Variants in NCAM1 observed in about 807,000 individuals in gnomAD.
The protein encoded by NCAM1 is neural cell adhesion molecule 1.
A neutral mutation model predicts 109.8 loss-of-function variants in NCAM1; 14 were observed. The observed-to-expected ratio is 0.13, with a 90% CI of 0.08 to 0.20. The LOEUF (loss-of-function observed/expected upper bound fraction) is 0.20. NCAM1 is among the 10% of genes least tolerant of loss of function. The probability of loss-of-function intolerance (pLI) is 1.00; values close to 1 mark genes in which losing one functional copy is unlikely to be tolerated. For missense variants in NCAM1, 774 were observed against 1,109.9 expected (o/e 0.70, Z 4.30); for synonymous variants, 418 against 442.9 (o/e 0.94, Z 0.70).
intron 9 of NCAM1, among the ~76,000 whole-genome samples, chr11:113,222,863 G>A (rs544545901): frequency 3.3e-5 from 5 of 152,258 alleles, no homozygotes; most frequent in Middle Eastern, 3.4e-3. Context: ...TACTTTGGAC[G>A]TAATTGACTT....
chr11:113,040,159 AAAAT>A (rs35828046), intron 1 of NCAM1, among the ~76,000 whole-genome samples: 1 of 151,170 alleles, frequency 6.6e-6, no homozygotes, highest in South Asian at 2.1e-4. Context: ...TAATAATTTT[AAAAT>A]AAATAAATAA....
rs563476646 is a variant in NCAM1, at chr11:113,071,038, G to A, written c.52+109374G>A. On this transcript the variant is annotated intron_variant, in intron 1 of 19. Transcript: ENST00000316851. ...ATCCTATTCTGGGAATAGGCTGTGT[G>A]TGGTAGAGAGATGAGGGCTGAAGAA... 6.0e-4 allele frequency among the ~76,000 whole-genome samples: 91 copies of A among 152,276 alleles called. 1 individual carries two copies. The highest frequency in any genetic ancestry group is 2.7e-3 in the Admixed American group (42 of 15,298).
chr11:113,188,836 T>A (rs1017564094), intron 1 of NCAM1, among the ~76,000 whole-genome samples: 1 of 151,100 alleles, frequency 6.6e-6, no homozygotes, highest in Non-Finnish European at 1.5e-5. Flanking sequence ...TGAGTGTGAG[T>A]GTGTGTGTGT....
At chr11:113,269,996 T>C in intron 17 of NCAM1, 192 bp from the exon 18 acceptor site, 1 of 609,754 alleles carries the variant, frequency 1.6e-6, no homozygotes, top group African/African-American at 1.8e-5. Flanking sequence ...CATCCCTCCC[T>C]CTGGAAGGTA....
At position 113,232,084 on chromosome 11, in the gene NCAM1, C is replaced by T. The variant is rs1945027541; in HGVS notation, c.1241-86C>T. 4.5e-6 allele frequency: 6 copies of T among 1,333,394 alleles called. No individual in the cohort carries two copies. The East Asian group carries it at 7.4e-5, about 17-fold the overall frequency. The allele number at this position is 1,333,394 out of a possible 1,614,324, so 82.6% of individuals were successfully genotyped here. A position where few individuals can be genotyped will look rare whatever the true frequency, so the allele number is the denominator to read the frequency against. ...CAGGCGCTGGCTCTGCTTTGGAGCA[C>T]ACCTGCCTTCCCAGTGCCAGGAGAC... On this transcript the variant is annotated intron_variant, in intron 10 of 19. Coordinates refer to ENST00000316851, the MANE Select transcript of NCAM1 (RefSeq NM_181351.5).
At position 113,124,857 on chromosome 11, in the gene NCAM1, C is replaced by A. The variant is rs150705745; in HGVS notation, c.53-77522C>A. Among the ~76,000 whole-genome samples the A allele has an allele frequency of 9.7e-3, 1,476 of 152,298 alleles. 32 individuals carry two copies. The highest frequency in any genetic ancestry group is 0.034 in the African/African-American group (1,417 of 41,548). ...TTGAATCGACACTTCTGCTAAATTT[C>A]TCAGCAGTACATTGAATGTATATTT... On this transcript the variant is annotated intron_variant, in intron 1 of 19. Transcript: ENST00000316851.
At chr11:113,195,678 T>C (rs11214540) in intron 1 of NCAM1, among the ~76,000 whole-genome samples, 4 of 151,848 alleles carry the variant, frequency 2.6e-5, no homozygotes, top group Non-Finnish European at 4.4e-5. Context: ...AATTTGTTTG[T>C]ATTTTTTTTA....
intron 1 of NCAM1, among the ~76,000 whole-genome samples, chr11:113,201,977 A>G (rs1308633885): frequency 6.6e-6 from 1 of 152,188 alleles, no homozygotes; most frequent in Non-Finnish European, 1.5e-5. Context: ...TTCAGATGAC[A>G]TCCAGAAGGA....
At chr11:113,096,248 C>A (rs1297604620) in intron 1 of NCAM1, among the ~76,000 whole-genome samples, 5 of 152,046 alleles carry the variant, frequency 3.3e-5, no homozygotes, top group Non-Finnish European at 7.4e-5. Flanking sequence ...TGGAGTTGAA[C>A]TTGAGATACC....
intron 1 of NCAM1, among the ~76,000 whole-genome samples, chr11:113,104,207 T>TGGGGGG (rs1345382907): frequency 3.6e-4 from 7 of 19,262 alleles, no homozygotes; most frequent in African/African-American, 6.5e-4. Flanking sequence ...GGAGGTGGGG[T>TGGGGGG]GGGGGGGGGG....
At chr11:113,085,069 C>T (rs1484045618) in intron 1 of NCAM1, among the ~76,000 whole-genome samples, 4 of 152,192 alleles carry the variant, frequency 2.6e-5, no homozygotes, top group Non-Finnish European at 5.9e-5. Flanking sequence ...TCCTGTTAAA[C>T]CCTGGACAAG....
chr11:113,155,465 T>C (rs1445167094), intron 1 of NCAM1, among the ~76,000 whole-genome samples: 1 of 151,266 alleles, frequency 6.6e-6, no homozygotes, highest in African/African-American at 2.4e-5. Context: ...GCCAAGATCA[T>C]GCCATTGCAC....
At chr11:113,010,490 C>T (rs1417510010) in intron 1 of NCAM1, among the ~76,000 whole-genome samples, 2 of 152,136 alleles carry the variant, frequency 1.3e-5, no homozygotes, top group Non-Finnish European at 1.5e-5. Context: ...AACCACCTCA[C>T]CTGTTATTTA....
At chr11:113,226,608 C>T (rs1228697177) in intron 9 of NCAM1, among the ~76,000 whole-genome samples, 5 of 152,188 alleles carry the variant, frequency 3.3e-5, no homozygotes, top group African/African-American at 1.2e-4. Flanking sequence ...ACTCTCCACC[C>T]CAATTCAACA....
intron 1 of NCAM1, chr11:113,197,283 C>T (rs1555111000): frequency 5.7e-6 from 1 of 176,268 alleles, no homozygotes. Flanking sequence ...TCTTATGCTC[C>T]TGGTCTCAGT....
intron 1 of NCAM1, among the ~76,000 whole-genome samples, chr11:113,172,465 A>T (rs782205866): frequency 5.3e-5 from 8 of 151,898 alleles, no homozygotes; most frequent in Non-Finnish European, 1.2e-4. Flanking sequence ...TTCCGTAAGT[A>T]CTCCTTGGCT....
At chr11:113,031,953 G>T (rs1271210745) in intron 1 of NCAM1, among the ~76,000 whole-genome samples, 1 of 152,056 alleles carries the variant, frequency 6.6e-6, no homozygotes, top group Non-Finnish European at 1.5e-5. Flanking sequence ...TTTTTGAGAT[G>T]GTCTTCTTTG....
chr11:113,189,264 A>G (rs782434945), intron 1 of NCAM1, among the ~76,000 whole-genome samples: 6 of 152,022 alleles, frequency 3.9e-5, no homozygotes, highest in Non-Finnish European at 7.4e-5. Flanking sequence ...AGCCTGGCCA[A>G]TATGGTGAAA....
chr11:113,074,830 C>T (rs1938454822), intron 1 of NCAM1, among the ~76,000 whole-genome samples: 5 of 152,132 alleles, frequency 3.3e-5, no homozygotes, highest in Non-Finnish European at 7.4e-5. Flanking sequence ...GGAGCGTTCA[C>T]CATGTTGGCC....
Sources: allele counts gnomAD v4.1 joint callset (sites outside exome capture counted in the v4.1 genomes callset), GRCh38; gene constraint gnomAD v4.1.1; transcripts MANE v1.5; gene names NCBI Gene and HGNC (gene_info 2026-07-23, HGNC 2026-07-21).